The following SLC39A10 variants were observed in gnomAD, a reference collection of about 807,000 sequenced individuals.
The protein encoded by SLC39A10 is solute carrier family 39 member 10.
In SLC39A10, 13 loss-of-function variants were observed where a neutral mutation model predicts 65.1. The observed-to-expected ratio is 0.20, with a 90% CI of 0.13 to 0.32. The LOEUF is 0.32. Ranked by LOEUF, SLC39A10 falls within the 10% of genes least tolerant of loss-of-function variation. The pLI, the probability that SLC39A10 is intolerant of heterozygous loss-of-function variation, is 1.00. For missense variants in SLC39A10, 831 were observed against 1,018.4 expected, an observed-to-expected ratio of 0.82 and a Z score of 2.50; for synonymous variants, 321 against 342.2, an observed-to-expected ratio of 0.94 and a Z score of 0.68.
At position 195,683,737 on chromosome 2, in the gene SLC39A10, T is replaced by C; in HGVS notation, c.1047T>C (p.His349=). Residue 349 remains histidine, a synonymous_variant, in exon 3 of 10, where the codon CAT becomes CAC. Transcript: ENST00000359634. The part of the protein sequence containing the change: ...NVTQLLKYYG[H]GANSPISTDL... ...CTCAGTTATTAAAATACTATGGTCATGGTGCCAACTCTCCCATCTCAACTG... is the reference window on the plus strand; with the variant it reads ...CTCAGTTATTAAAATACTATGGTCACGGTGCCAACTCTCCCATCTCAACTG... 7 of 1,613,362 alleles carry C rather than the reference T, an allele frequency of 4.3e-6. No homozygotes were observed. The highest frequency in any genetic ancestry group is 5.9e-6 in the Non-Finnish European group (7 of 1,179,504).
At chr2:195,717,125 C>G in intron 7 of SLC39A10, 120 bp downstream of exon 7, 1 of 1,349,486 alleles carries the variant, frequency 7.4e-7, no homozygotes, top group Non-Finnish European at 1.0e-6. Context: ...TGATTTTTCC[C>G]AAAGGCTACA....
intron 2 of SLC39A10, among the ~76,000 whole-genome samples, chr2:195,640,340 GAA>G (rs3049392): frequency 0.23 from 29,634 of 126,296 alleles, 3,089 homozygotes; most frequent in East Asian, 0.37. Context: ...AGCATTAAAA[GAA>G]AAAAAAAAAA....
intron 1 of SLC39A10, 49 bp downstream of exon 1, chr2:195,657,330 C>A: frequency 1.0e-6 from 1 of 953,176 alleles, no homozygotes; most frequent in Non-Finnish European, 1.2e-6. Context: ...CAGAACCGGC[C>A]CCGTGCGCGG....
At chr2:195,712,742 GAAGTAC>G (rs1691645053) in intron 5 of SLC39A10, among the ~76,000 whole-genome samples, 1 of 152,106 alleles carries the variant, frequency 6.6e-6, no homozygotes, top group Non-Finnish European at 1.5e-5. Flanking sequence ...CCTAAACAAT[GAAGTAC>G]AATAATTAGT....
chr2:195,723,323 C>T (rs1692117575), intron 8 of SLC39A10, among the ~76,000 whole-genome samples: 1 of 152,174 alleles, frequency 6.6e-6, no homozygotes, highest in African/African-American at 2.4e-5. Flanking sequence ...CTTATCTCTT[C>T]ACTGTTTTCC....
At chr2:195,650,007 C>T (rs186090821) in intron 2 of SLC39A10, among the ~76,000 whole-genome samples, 8 of 152,226 alleles carry the variant, frequency 5.3e-5, no homozygotes, top group East Asian at 1.9e-4. Flanking sequence ...TATATTCTCA[C>T]GGAGGTATAA....
chr2:195,713,659 C>G, intron 6 of SLC39A10, 106 bp downstream of exon 6: 1 of 1,240,154 alleles, frequency 8.1e-7, no homozygotes. Context: ...TTAAATAATA[C>G]AGTAAACTAA....
In SLC39A10 at chr2:195,725,696, C is replaced by T. The variant is rs542188168; in HGVS notation, c.2147-2463C>T. 8.5e-5 allele frequency among the ~76,000 whole-genome samples: 13 copies of T among 152,204 alleles called. No homozygotes were observed. The East Asian group carries it at 1.7e-3, about 20-fold the overall frequency. On this transcript the variant is annotated intron_variant, in intron 8 of 9. Coordinates refer to ENST00000359634, the MANE Select transcript of SLC39A10 (RefSeq NM_020342.3). ...TGGCTTTCTTCATAATTGCCAAAAA[C>T]AGTGAACAACTTAAATGTTCTTTGC...
In SLC39A10 at chr2:195,716,899, C is replaced by T. The variant is rs200243846; in HGVS notation, c.1959C>T (p.Gly653=). ...WHHKHSHHSH[G]PCHSGSDLKE... is the part of the protein sequence containing the mutation. ...ACAAGCATTCTCATCATTCCCATGG[C>T]CCCTGTCATTCTGGATCCGATCTGA... The change falls in exon 7 of 10, where the codon GGC becomes GGT. Residue 653 remains glycine, a synonymous_variant. Transcript: ENST00000359634. 1.2e-6 allele frequency: 2 copies of T among 1,614,184 alleles called. No individual in the cohort carries two copies. Among genetic ancestry groups the T allele is most frequent in the South Asian group, 1.1e-5 (1 of 91,082 alleles).
At position 195,736,738 on chromosome 2, in the gene SLC39A10, TAAGTAG is replaced by T. The variant is rs569885719; in HGVS notation, c.*1702_*1707del. The T allele has an allele frequency of 2.0e-4, 30 of 152,604 alleles. No homozygotes were observed. Among genetic ancestry groups the T allele is most frequent in the African/African-American group, 7.0e-4 (29 of 41,532 alleles). 9.5% of individuals were successfully genotyped at this position (152,604 alleles called of 1,614,324 possible). A position where few individuals can be genotyped will look rare whatever the true frequency, so the allele number is the denominator to read the frequency against. Reference sequence around the variant, plus strand: ...GACTTACTCCATGGCCTCCTTATAATAAGTAGAAGTTTTATATATAATTAATTTTCA... The same window carrying T: ...GACTTACTCCATGGCCTCCTTATAATAAGTTTTATATATAATTAATTTTCA... On this transcript the variant is annotated 3_prime_UTR_variant, in exon 10 of 10. Coordinates refer to ENST00000359634, the MANE Select transcript of SLC39A10 (RefSeq NM_020342.3).
intron 2 of SLC39A10, among the ~76,000 whole-genome samples, chr2:195,634,442 C>T (rs1249953660): frequency 6.6e-6 from 1 of 151,900 alleles, no homozygotes; most frequent in Non-Finnish European, 1.5e-5. Context: ...TCATATAAGC[C>T]ACCTGTTTTA....
intron 3 of SLC39A10, among the ~76,000 whole-genome samples, chr2:195,703,800 C>T (rs142900119): frequency 0.01 from 1,595 of 152,264 alleles, 36 homozygotes; most frequent in East Asian, 0.07. Flanking sequence ...ACTACAGGCA[C>T]ATGCCACCAC....
At chr2:195,617,102 T>G (rs1020955168) in intron 2 of SLC39A10, among the ~76,000 whole-genome samples, 1 of 152,228 alleles carries the variant, frequency 6.6e-6, no homozygotes, top group African/African-American at 2.4e-5. Flanking sequence ...TCCAAGACTA[T>G]AAATGAATTC....
At position 195,680,916 on chromosome 2, in the gene SLC39A10, C is replaced by T. The variant is rs759336479; in HGVS notation, c.874C>T (p.Arg292Cys). 1.4e-5 allele frequency: 23 copies of T among 1,613,842 alleles called. No homozygotes were observed. The highest frequency in any genetic ancestry group is 1.7e-5 in the Admixed American group (1 of 59,974). ...LPERNGHDPG[R>C]GHQDLDPDNE... ...AGAACGTAATGGTCATGATCCTGGT[C>T]GTGGACACCAAGATCTTGATCCTGA... Residue 292 changes from arginine (R) to cysteine (C), a missense_variant, in exon 2 of 10, where the codon CGT becomes TGT. This residue lies in a region of SLC39A10 where 446 missense variants were observed against 499.2 expected (regional missense o/e 0.89). Transcript: ENST00000359634.
intron 1 of SLC39A10, chr2:195,657,630 C>G: frequency 1.0e-6 from 1 of 985,236 alleles, no homozygotes. Context: ...CCTCGCGGGC[C>G]GCGCCCGGGG....
chr2:195,650,621 T>C (rs1415462988), intron 2 of SLC39A10, among the ~76,000 whole-genome samples: 3 of 152,158 alleles, frequency 2.0e-5, no homozygotes, highest in Non-Finnish European at 4.4e-5. Flanking sequence ...TAGGATCATG[T>C]AGGCAGATCA....
chr2:195,635,387 G>A (rs114156454), intron 2 of SLC39A10, among the ~76,000 whole-genome samples: 151 of 152,286 alleles, frequency 9.9e-4, no homozygotes, highest in African/African-American at 3.6e-3. Context: ...GAACCTGGGA[G>A]CCCTGAGATC....
intron 7 of SLC39A10, 99 bp from the exon 8 acceptor site, chr2:195,718,153 T>G: frequency 2.2e-6 from 2 of 922,910 alleles, no homozygotes; most frequent in East Asian, 2.5e-5. Context: ...TGTTAAGAAA[T>G]TAATTTAGAT....
chr2:195,618,178 G>A (rs1192197808), intron 2 of SLC39A10, among the ~76,000 whole-genome samples: 12 of 151,692 alleles, frequency 7.9e-5, no homozygotes, highest in Admixed American at 7.9e-4. Context: ...TGGTGAAACC[G>A]TGTCTCTACT....
Sources: gnomAD v4.1 joint callset for allele counts (sites outside exome capture counted in the v4.1 genomes callset) on GRCh38, gnomAD v4.1.1 for gene constraint, gnomAD v4.1.1 regional missense constraint, MANE v1.5 for transcripts, NCBI Gene and HGNC (gene_info 2026-07-23, HGNC 2026-07-21) for gene names.